TNFRSF21: variants seen among roughly 807,000 people sequenced by gnomAD.
TNFRSF21 encodes tumor necrosis factor receptor superfamily member 21.
TNFRSF21 carries 19 observed loss-of-function variants against 45.6 expected under a neutral mutation model. That is an observed-to-expected ratio of 0.42 (90% CI 0.29 to 0.61). TNFRSF21 has a LOEUF of 0.61. Among genes scored for constraint, TNFRSF21 ranks in the 20% least tolerant of loss-of-function variants. The pLI is 0.23. For synonymous variants in TNFRSF21, 314 were observed against 335.5 expected, an observed-to-expected ratio of 0.94 and a Z score of 0.70; for missense variants, 737 against 851.5, an observed-to-expected ratio of 0.87 and a Z score of 1.67.
chr6:47,244,050 G>C (rs963539442), intron 4 of TNFRSF21, among the ~76,000 whole-genome samples: 1 of 152,144 alleles, frequency 6.6e-6, no homozygotes, highest in African/African-American at 2.4e-5. Context: ...GGCTGGGCGC[G>C]GTGGCTCACA....
chr6:47,240,200 A>G (rs1364887147), intron 4 of TNFRSF21, among the ~76,000 whole-genome samples: 1 of 152,202 alleles, frequency 6.6e-6, no homozygotes. Context: ...TCCTTACAGT[A>G]AAGTCGCTGT....
At chr6:47,262,367 A>G (rs555240029) in intron 3 of TNFRSF21, among the ~76,000 whole-genome samples, 1 of 152,310 alleles carries the variant, frequency 6.6e-6, no homozygotes, top group Non-Finnish European at 1.5e-5. Flanking sequence ...AGCTATCTCA[A>G]ATGTCTGAAG....
intron 3 of TNFRSF21, among the ~76,000 whole-genome samples, chr6:47,257,399 T>C (rs1765003671): frequency 1.3e-5 from 2 of 152,242 alleles, no homozygotes; most frequent in Non-Finnish European, 2.9e-5. Flanking sequence ...GTCGCCAATG[T>C]TCTTCACTGC....
intron 3 of TNFRSF21, among the ~76,000 whole-genome samples, chr6:47,276,277 G>A (rs940447091): frequency 1.2e-4 from 18 of 152,198 alleles, no homozygotes; most frequent in African/African-American, 4.3e-4. Flanking sequence ...TCTGTTAGGA[G>A]ATGGAGGAAG....
intron 3 of TNFRSF21, among the ~76,000 whole-genome samples, chr6:47,281,874 C>T (rs1487180304): frequency 6.6e-6 from 1 of 151,532 alleles, no homozygotes; most frequent in East Asian, 1.9e-4. Context: ...TTGAAGCTTT[C>T]CCCAGACAGG....
intron 4 of TNFRSF21, among the ~76,000 whole-genome samples, chr6:47,243,422 T>C (rs971656590): frequency 2.0e-5 from 3 of 152,184 alleles, no homozygotes; most frequent in African/African-American, 7.2e-5. Flanking sequence ...ACAATGTACA[T>C]ACTGTTGTTT....
intron 2 of TNFRSF21, among the ~76,000 whole-genome samples, chr6:47,285,226 C>T (rs771166436): frequency 2.0e-5 from 3 of 151,952 alleles, no homozygotes; most frequent in Non-Finnish European, 4.4e-5. Flanking sequence ...TCAAGTTGGT[C>T]ATCATCTCAT....
chr6:47,271,461 T>C (rs1762417846), intron 3 of TNFRSF21, among the ~76,000 whole-genome samples: 2 of 152,200 alleles, frequency 1.3e-5, no homozygotes, highest in African/African-American at 2.4e-5. Context: ...GACAAGCAAA[T>C]GCTGAGAGAT....
intron 3 of TNFRSF21, among the ~76,000 whole-genome samples, chr6:47,269,710 A>G (rs551782843): frequency 6.6e-6 from 1 of 152,362 alleles, no homozygotes; most frequent in East Asian, 1.9e-4. Context: ...ACAAAGAGGG[A>G]GAAATATCAT....
At chr6:47,294,633 G>T (rs181959932) in intron 1 of TNFRSF21, among the ~76,000 whole-genome samples, 22 of 152,270 alleles carry the variant, frequency 1.4e-4, no homozygotes, top group Non-Finnish European at 2.8e-4. Context: ...ATTACACTCT[G>T]CAGGGTGCTT....
intron 3 of TNFRSF21, among the ~76,000 whole-genome samples, chr6:47,258,919 G>T (rs1260524238): frequency 2.0e-5 from 3 of 152,162 alleles, no homozygotes; most frequent in Admixed American, 1.3e-4. Context: ...CACCACAAAT[G>T]AATGTGGCTG....
At position 47,286,209 on chromosome 6, in the gene TNFRSF21, T is replaced by C; in HGVS notation, c.483A>G (p.Thr161=). Residue 161 remains threonine, a synonymous_variant, in exon 2 of 6, where the codon ACA becomes ACG. Coordinates refer to ENST00000296861, the MANE Select transcript of TNFRSF21 (RefSeq NM_014452.5). ...PVGWGVRKKG[T]ETEDVRCKQC... is the part of the protein sequence containing the mutation. ...GCTTACACCGCACATCCTCAGTCTC[T>C]GTCCCTTTCTTCCGCACACCCCAAC... is the stretch of plus-strand genomic sequence containing the variant. 2 of 1,614,214 alleles carry C rather than the reference T, an allele frequency of 1.2e-6. No individual in the cohort carries two copies. Among genetic ancestry groups the C allele is most frequent in the South Asian group, 2.2e-5 (2 of 91,088 alleles).
chr6:47,270,009 T>G (rs1762392695), intron 3 of TNFRSF21, among the ~76,000 whole-genome samples: 1 of 152,240 alleles, frequency 6.6e-6, no homozygotes, highest in Non-Finnish European at 1.5e-5. Context: ...TTAGATTATC[T>G]TGTAAAACTT....
At chr6:47,291,284 T>C (rs902594155) in intron 1 of TNFRSF21, among the ~76,000 whole-genome samples, 1 of 152,170 alleles carries the variant, frequency 6.6e-6, no homozygotes. Flanking sequence ...CAAAATGCAA[T>C]GAGAAGTCAT....
intron 1 of TNFRSF21, among the ~76,000 whole-genome samples, chr6:47,304,497 A>T (rs1582365663): frequency 6.6e-6 from 1 of 152,198 alleles, no homozygotes; most frequent in African/African-American, 2.4e-5. Flanking sequence ...GACAAAGACC[A>T]CCTGCCAGAG....
At chr6:47,307,649 C>T (rs538148114) in intron 1 of TNFRSF21, among the ~76,000 whole-genome samples, 2 of 152,290 alleles carry the variant, frequency 1.3e-5, no homozygotes, top group Non-Finnish European at 2.9e-5. Flanking sequence ...GCTGGGATTA[C>T]AGGCATAAGC....
At chr6:47,303,699 C>T (rs1323719260) in intron 1 of TNFRSF21, among the ~76,000 whole-genome samples, 3 of 152,216 alleles carry the variant, frequency 2.0e-5, no homozygotes, top group Non-Finnish European at 4.4e-5. Context: ...TAACCTCTAC[C>T]CAAGCTCCTC....
chr6:47,275,126 A>T (rs972003609), intron 3 of TNFRSF21, among the ~76,000 whole-genome samples: 7 of 152,196 alleles, frequency 4.6e-5, no homozygotes, highest in Admixed American at 3.3e-4. Context: ...AACTAGAATT[A>T]TCATTTGACC....
In TNFRSF21 at chr6:47,284,082, C is replaced by A; in HGVS notation, c.1099G>T (p.Val367Leu). The change falls in exon 3 of 6, where the codon GTG becomes TTG. Residue 367 changes from valine to leucine, a missense_variant. Physicochemically the swap from Val to Leu is conservative, Grantham distance 32 (BLOSUM62 1). Transcript: ENST00000296861. ...CTCGAGCTTTTCCGGATACTGCACA[C>A]CACAATCACCACAAGCACCAGCAGC... ...FLLLVLVVIV[V>L]CSIRKSSRTL... The A allele has an allele frequency of 1.2e-6, 2 of 1,614,198 alleles. No homozygotes were observed. Among genetic ancestry groups the A allele is most frequent in the Admixed American group, 1.7e-5 (1 of 60,022 alleles).
Sources: allele counts gnomAD v4.1 joint callset (sites outside exome capture counted in the v4.1 genomes callset), GRCh38; gene constraint gnomAD v4.1.1; transcripts MANE v1.5; gene names NCBI Gene and HGNC (gene_info 2026-07-23, HGNC 2026-07-21).